Variants in BTNL8 observed in about 807,000 individuals in gnomAD.
The protein encoded by BTNL8 is butyrophilin like 8, also known as butyrophilin-like protein 8.
BTNL8 carries 22 observed loss-of-function variants against 36.1 expected under a neutral mutation model. The ratio of observed to expected loss-of-function variants is 0.61; its 90% CI spans 0.44 to 0.87. The LOEUF (loss-of-function observed/expected upper bound fraction) is 0.87, where lower values mean the gene tolerates loss of function less well. Ranked by LOEUF, BTNL8 falls within the 40% of genes least tolerant of loss-of-function variation. The pLI, the probability that BTNL8 is intolerant of heterozygous loss-of-function variation, is 0.00. For synonymous variants in BTNL8, 203 were observed against 235.6 expected, an observed-to-expected ratio of 0.86 and a Z score of 1.27; for missense variants, 526 against 616.9, an observed-to-expected ratio of 0.85 and a Z score of 1.56.
chr5:180,933,909 A>C (rs1758519297), intron 3 of BTNL8, among the ~76,000 whole-genome samples: 1 of 152,152 alleles, frequency 6.6e-6, no homozygotes, highest in South Asian at 2.1e-4. Context: ...AAAAAATGAC[A>C]GAGGACATAC....
intron 1 of BTNL8, among the ~76,000 whole-genome samples, chr5:180,902,003 G>A (rs776225283): frequency 3.3e-4 from 50 of 152,194 alleles, no homozygotes; most frequent in Non-Finnish European, 6.3e-4. Flanking sequence ...AATTGTGTGC[G>A]CCATGGGCAG....
chr5:180,933,213 G>T (rs560840125), intron 3 of BTNL8, among the ~76,000 whole-genome samples: 5 of 152,126 alleles, frequency 3.3e-5, no homozygotes, highest in Admixed American at 6.5e-5. Context: ...ATAGAAGTAG[G>T]GAACCTCAAA....
intron 3 of BTNL8, among the ~76,000 whole-genome samples, chr5:180,929,930 T>C (rs570761263): frequency 9.7e-5 from 13 of 133,508 alleles, no homozygotes; most frequent in African/African-American, 3.8e-4. Context: ...TTCCAAACAA[T>C]AGAAAGAGAG....
chr5:180,947,457 T>A (rs1759316162), intron 3 of BTNL8, 55 bp from the exon 4 acceptor site: 1 of 1,592,682 alleles, frequency 6.3e-7, no homozygotes, highest in East Asian at 2.2e-5. Context: ...AAAGAAGAAT[T>A]GAATTGTGTC....
At chr5:180,945,922 A>G (rs993397142) in intron 3 of BTNL8, 1 of 271,248 alleles carries the variant, frequency 3.7e-6, no homozygotes, top group East Asian at 9.3e-5. Flanking sequence ...TCTTCCTTGA[A>G]TGGATTATCC....
At chr5:180,934,945 G>C (rs563355701) in intron 3 of BTNL8, among the ~76,000 whole-genome samples, 37 of 118,862 alleles carry the variant, frequency 3.1e-4, no homozygotes, top group Non-Finnish European at 6.2e-4. Context: ...GACAACTGGA[G>C]GGTAAGGCAG....
intron 3 of BTNL8, among the ~76,000 whole-genome samples, chr5:180,929,227 G>C (rs549486333): frequency 6.6e-5 from 10 of 152,240 alleles, no homozygotes; most frequent in African/African-American, 2.2e-4. Flanking sequence ...GGTAAACAAT[G>C]AAATTAAAGC....
intron 3 of BTNL8, among the ~76,000 whole-genome samples, chr5:180,928,652 G>A (rs994941179): frequency 6.6e-6 from 1 of 152,122 alleles, no homozygotes; most frequent in African/African-American, 2.4e-5. Flanking sequence ...GAAAAAAGCA[G>A]GCGTTGCAAT....
intron 3 of BTNL8, among the ~76,000 whole-genome samples, chr5:180,917,782 A>C (rs1757701616): frequency 6.6e-6 from 1 of 151,694 alleles, no homozygotes; most frequent in South Asian, 2.1e-4. Flanking sequence ...TAATCCCAGC[A>C]CTCTGGGAGG....
Position 180,911,537 on chromosome 5 carries a change from A to T in BTNL8, c.596A>T (p.Glu199Val). The T allele has an allele frequency of 6.2e-7, 1 of 1,612,922 alleles. No homozygotes were observed. Among genetic ancestry groups the T allele is most frequent in the Non-Finnish European group, 8.5e-7 (1 of 1,179,628 alleles). Reference sequence around the variant, plus strand: ...GTGGAGATCTCTCTGACCGTCCAAGAGAACGCCGGGAGCATATCCTGTTCC... The same window carrying T: ...GTGGAGATCTCTCTGACCGTCCAAGTGAACGCCGGGAGCATATCCTGTTCC... ...FDVEISLTVQ[E>V]NAGSISCSMR... Residue 199 changes from glutamate (E) to valine (V), a missense_variant, in exon 3 of 8, where the codon GAG becomes GTG. Physicochemically the swap from Glu to Val is moderately radical, Grantham distance 121. This residue lies in a region of BTNL8 where 350 missense variants were observed against 324.6 expected (regional missense o/e 1.08). Coordinates refer to ENST00000340184, the MANE Select transcript of BTNL8 (RefSeq NM_001040462.3).
In BTNL8 at chr5:180,950,609, G is replaced by A. The variant is rs903482499; in HGVS notation, c.*65G>A. On this transcript the variant is annotated 3_prime_UTR_variant, in exon 8 of 8. Transcript: ENST00000340184. Reference sequence around the variant, plus strand: ...GTCTCTCTCCCAGATCCAAAGTCCCGCAGCAGCCGGCCAAGGTGGCTTCCA... The same window carrying A: ...GTCTCTCTCCCAGATCCAAAGTCCCACAGCAGCCGGCCAAGGTGGCTTCCA... 10 of 1,400,912 alleles carry A rather than the reference G, an allele frequency of 7.1e-6. No individual in the cohort carries two copies. The highest frequency in any genetic ancestry group is 2.8e-5 in the African/African-American group (2 of 71,752). 86.8% of individuals were successfully genotyped at this position (1,400,912 alleles called of 1,614,324 possible). A position where few individuals can be genotyped will look rare whatever the true frequency, so the allele number is the denominator to read the frequency against.
intron 2 of BTNL8, among the ~76,000 whole-genome samples, chr5:180,909,407 T>G (rs1036444735): frequency 6.6e-6 from 1 of 152,234 alleles, no homozygotes; most frequent in African/African-American, 2.4e-5. Context: ...TTATGAACAT[T>G]TATTTTTAAA....
rs1446050988 is a variant in BTNL8 at position 180,903,252 on chromosome 5, A to T, written c.49+3893A>T. ...GAGATGGTATCTCATTGTGGTTTTG[A>T]TTTGCATTTCTCTGATGGCCAGTGA... On this transcript the variant is annotated intron_variant, in intron 1 of 7. Coordinates refer to ENST00000340184, the MANE Select transcript of BTNL8 (RefSeq NM_001040462.3). 1.7e-5 allele frequency among the ~76,000 whole-genome samples: 2 copies of T among 118,256 alleles called. 1 individual carries two copies. The highest frequency in any genetic ancestry group is 8.7e-5 in the African/African-American group (2 of 23,022). 77.6% of individuals were successfully genotyped at this position (118,256 alleles called of 152,430 possible). A position where few individuals can be genotyped will look rare whatever the true frequency, so the allele number is the denominator to read the frequency against.
rs565202201 is a variant in BTNL8, at chr5:180,919,009, TCAGA to T, written c.673+7398_673+7401del. Among the ~76,000 whole-genome samples the T allele has an allele frequency of 8.3e-4, 127 of 152,312 alleles. 1 individual carries two copies. Among genetic ancestry groups the T allele is most frequent in the Middle Eastern group, 6.8e-3 (2 of 294 alleles). ...TCTCAGCTAATCAGTCTCTTCGGGA[TCAGA>T]CAAAGACCTGGAAAGGGAAATTTAC... On this transcript the variant is annotated intron_variant, in intron 3 of 7. Transcript: ENST00000340184.
At chr5:180,914,739 A>G (rs1757547256) in intron 3 of BTNL8, among the ~76,000 whole-genome samples, 1 of 152,196 alleles carries the variant, frequency 6.6e-6, no homozygotes, top group South Asian at 2.1e-4. Flanking sequence ...TCCCACAGAA[A>G]CACTAATTTT....
chr5:180,906,531 T>C, intron 1 of BTNL8, among the ~76,000 whole-genome samples: 1 of 125,218 alleles, frequency 8.0e-6, no homozygotes, highest in Non-Finnish European at 1.6e-5. Context: ...CATTTAACGT[T>C]AATATTGTTA....
At chr5:180,928,768 C>T (rs911867261) in intron 3 of BTNL8, among the ~76,000 whole-genome samples, 7 of 152,168 alleles carry the variant, frequency 4.6e-5, no homozygotes, top group African/African-American at 1.7e-4. Flanking sequence ...AGCTAACTAT[C>T]CTAAATATAT....
Position 180,918,075 on chromosome 5 carries a change from A to G in BTNL8, c.673+6461A>G, listed in dbSNP as rs1455734616. 3.3e-5 allele frequency among the ~76,000 whole-genome samples: 5 copies of G among 151,982 alleles called. No homozygotes were observed. In the East Asian group the frequency reaches 5.8e-4, roughly 18 times the overall value. ...AACAAAGAAAGAAAAATTAATGCCA[A>G]TACTTTTCAAACTCTTGCAAAAAAT... On this transcript the variant is annotated intron_variant, in intron 3 of 7. Transcript: ENST00000340184.
intron 3 of BTNL8, among the ~76,000 whole-genome samples, chr5:180,946,570 A>G (rs978695273): frequency 6.6e-6 from 1 of 152,228 alleles, no homozygotes; most frequent in South Asian, 2.1e-4. Flanking sequence ...AGTTGAACTC[A>G]TAACAATAGA....
Sources: allele counts gnomAD v4.1 joint callset (sites outside exome capture counted in the v4.1 genomes callset), GRCh38; gene constraint gnomAD v4.1.1; regional missense constraint gnomAD v4.1.1; transcripts MANE v1.5; gene names NCBI Gene and HGNC (gene_info 2026-07-23, HGNC 2026-07-21).